PDE6B: variants seen among roughly 807,000 people sequenced by gnomAD.
The protein encoded by PDE6B is rod cGMP-specific 3',5'-cyclic phosphodiesterase subunit beta.
Under a neutral mutation model 109.0 loss-of-function variants are expected in PDE6B, and 106 were observed. That is an observed-to-expected ratio of 0.97 (90% CI 0.83 to 1.14). The LOEUF is 1.14. PDE6B is among the 50% of genes most tolerant of loss of function. PDE6B has a pLI of 0.00. For missense variants in PDE6B, 1,193 were observed against 1,155.6 expected (o/e 1.03, Z -0.47); for synonymous variants, 490 against 471.3 (o/e 1.04, Z -0.51).
chr4:629,184 G>A (rs1386018059), intron 1 of PDE6B, among the ~76,000 whole-genome samples: 1 of 152,242 alleles, frequency 6.6e-6, no homozygotes, highest in Non-Finnish European at 1.5e-5. Context: ...CGGGTGCAGA[G>A]AGGGAGGAGC....
Position 625,776 on chromosome 4 carries a change from C to T in PDE6B, c.150C>T (p.Leu50=). The change falls in exon 1 of 22, where the codon CTC becomes CTT. Residue 50 remains leucine, a synonymous_variant. Transcript: ENST00000496514. This position sits in a 1 kb window ranked among gnomAD's most constrained non-coding sequence, Gnocchi z 5.0. ...CPPDCDSLRD[L]CQVEESTALL... is the part of the protein sequence containing the mutation. ...CGGACTGCGACAGCCTCCGGGACCT[C>T]TGCCAGGTGGAGGAGAGCACGGCGC... 6.2e-7 allele frequency: 1 copy of T among 1,613,506 alleles called. No individual in the cohort carries two copies. Among genetic ancestry groups the T allele is most frequent in the Non-Finnish European group, 8.5e-7 (1 of 1,179,970 alleles).
At chr4:664,368 G>C in intron 17 of PDE6B, 147 bp downstream of exon 17, 1 of 694,060 alleles carries the variant, frequency 1.4e-6, no homozygotes, top group Non-Finnish European at 2.7e-6. Context: ...TGAAACAAAT[G>C]CGCCGTCCTT....
Position 625,998 on chromosome 4 carries a change from GC to G in PDE6B, c.378del (p.Asp127ThrfsTer23), listed in dbSNP as rs755325901. 6.3e-7 allele frequency: 1 copy of G among 1,582,812 alleles called. No individual in the cohort carries two copies. The highest frequency in any genetic ancestry group is 8.6e-7 in the Non-Finnish European group (1 of 1,164,918). Reference sequence around the variant, plus strand: ...ACAGCGTCCTGGAGGACTGCCTGGTGCCCCCCGACTCCGAGATCGTCTTCCC... The same window carrying G: ...ACAGCGTCCTGGAGGACTGCCTGGTGCCCCCGACTCCGAGATCGTCTTCCC... The part of the protein sequence containing the change: ...PDSVLEDCLV[P>X]PDSEIVFPLD... On this transcript the variant is annotated frameshift_variant, in exon 1 of 22. Transcript: ENST00000496514. LOFTEE classifies it high-confidence loss of function. This position sits in a 1 kb window ranked among gnomAD's most constrained non-coding sequence, Gnocchi z 5.0.
chr4:650,329 G>C (rs1735440282), intron 3 of PDE6B, among the ~76,000 whole-genome samples: 2 of 152,266 alleles, frequency 1.3e-5, no homozygotes, highest in African/African-American at 4.8e-5. Flanking sequence ...GAAAGGCTGA[G>C]AGCTCAACAC....
chr4:627,661 G>T (rs1019516190), intron 1 of PDE6B, among the ~76,000 whole-genome samples: 1 of 87,054 alleles, frequency 1.1e-5, no homozygotes, highest in African/African-American at 4.5e-5. Context: ...CCCTCCCCCC[G>T]TTCCCTCCTC....
chr4:664,288 GT>G (rs1369491149), intron 17 of PDE6B, 67 bp downstream of exon 17: 1 of 902,628 alleles, frequency 1.1e-6, no homozygotes, highest in African/African-American at 1.6e-5. Context: ...TCACCAGCTG[GT>G]TAACCCTGCA....
At chr4:641,912 G>A (rs949995014) in intron 3 of PDE6B, among the ~76,000 whole-genome samples, 23 of 152,252 alleles carry the variant, frequency 1.5e-4, no homozygotes, top group African/African-American at 5.3e-4. Context: ...CTCCCAAAGT[G>A]CTGGAATTAC....
chr4:664,312 C>T, intron 17 of PDE6B, 91 bp downstream of exon 17: 2 of 779,968 alleles, frequency 2.6e-6, no homozygotes, highest in South Asian at 1.4e-5. Context: ...CCTCCCCAGA[C>T]GCTCTGGAGC....
At position 663,479 on chromosome 4, in the gene PDE6B, C is replaced by G. The variant is rs949270027; in HGVS notation, c.1921-291C>G. Among the ~76,000 whole-genome samples, 1 of 152,170 alleles carries G rather than the reference C, an allele frequency of 6.6e-6. No homozygotes were observed. Among genetic ancestry groups the G allele is most frequent in the Admixed American group, 6.5e-5 (1 of 15,286 alleles). On this transcript the variant is annotated intron_variant, in intron 15 of 21. Coordinates refer to ENST00000496514, the MANE Select transcript of PDE6B (RefSeq NM_000283.4). The surrounding 1 kb of genome is among the most constrained non-coding windows in gnomAD (Gnocchi z 4.0). ...CACCAGCGGGGGAATGAAGGGCAGC[C>G]GAGCCCTGAGCGGCCCCCAAGGACC...
rs112120206 is a variant in PDE6B, at chr4:636,409, C to T, written c.711+440C>T. Among the ~76,000 whole-genome samples, 115 of 152,150 alleles carry T rather than the reference C, an allele frequency of 7.6e-4. No homozygotes were observed. Among genetic ancestry groups the T allele is most frequent in the African/African-American group, 2.7e-3 (112 of 41,522 alleles). On this transcript the variant is annotated intron_variant, in intron 3 of 21. Coordinates refer to ENST00000496514, the MANE Select transcript of PDE6B (RefSeq NM_000283.4). The surrounding 1 kb of genome is among the most constrained non-coding windows in gnomAD (Gnocchi z 4.5). The stretch of plus-strand genomic sequence containing the variant: ...CCCTGGCTGAGAGAGGGTACGGGGG[C>T]AGGTCTGGCCCTGGCCGAGACGCTG...
Position 665,899 on chromosome 4 carries a change from G to C in PDE6B, c.2268+570G>C, listed in dbSNP as rs571999725. Reference sequence around the variant, plus strand: ...CACCCGCTCTGGTGGGCGGCGAGGGGCTCTCTGGAGCCTGCAGTGGAGAGG... The same window carrying C: ...CACCCGCTCTGGTGGGCGGCGAGGGCCTCTCTGGAGCCTGCAGTGGAGAGG... On this transcript the variant is annotated intron_variant, in intron 19 of 21. Transcript: ENST00000496514. This position sits in a 1 kb window ranked among gnomAD's most constrained non-coding sequence, Gnocchi z 4.0. Among the ~76,000 whole-genome samples, 10 of 152,286 alleles carry C rather than the reference G, an allele frequency of 6.6e-5. No homozygotes were observed. Among genetic ancestry groups the C allele is most frequent in the African/African-American group, 1.2e-4 (5 of 41,572 alleles).
chr4:660,014 C>T (rs1242510103), intron 11 of PDE6B, among the ~76,000 whole-genome samples: 1 of 152,030 alleles, frequency 6.6e-6, no homozygotes, highest in African/African-American at 2.4e-5. Flanking sequence ...TGTGAGCCTA[C>T]ATGCGTGAGT....
At chr4:667,796 A>AT in intron 20 of PDE6B, 60 bp from the exon 21 acceptor site, 1 of 1,561,480 alleles carries the variant, frequency 6.4e-7, no homozygotes, top group South Asian at 1.1e-5. Flanking sequence ...GGGAAGGGCT[A>AT]TCTTACTCTG....
chr4:653,259 G>A (rs1159522163), intron 3 of PDE6B: 4 of 1,010,224 alleles, frequency 4.0e-6, no homozygotes, highest in Non-Finnish European at 4.7e-6. Flanking sequence ...GGGCCTGGTG[G>A]GGCCTGGGTC....
intron 6 of PDE6B, 85 bp downstream of exon 6, chr4:654,973 G>C (rs1736039668): frequency 1.2e-6 from 1 of 863,680 alleles, no homozygotes; most frequent in Admixed American, 1.7e-5. Context: ...CGTCCTCCCA[G>C]GGCTTCCCAC....
Position 663,278 on chromosome 4 carries a change from G to A in PDE6B, c.1920+91G>A. On this transcript the variant is annotated intron_variant, in intron 15 of 21. Transcript: ENST00000496514. The surrounding 1 kb of genome is among the most constrained non-coding windows in gnomAD (Gnocchi z 4.0). ...GCCGTATCCTGCGGAGCAGGGTTCT[G>A]ATGCAGCGGGTGAGCACTGGGTGTG... is the stretch of plus-strand genomic sequence containing the variant. 1 of 808,284 alleles carries A rather than the reference G, an allele frequency of 1.2e-6. No homozygotes were observed. Among genetic ancestry groups the A allele is most frequent in the Non-Finnish European group, 2.2e-6 (1 of 452,266 alleles). The allele number at this position is 808,284 out of a possible 1,614,324, so 50.1% of individuals were successfully genotyped here.
chr4:657,458 C>A lies in PDE6B; in HGVS notation c.1365C>A (p.His455Gln). The A allele has an allele frequency of 6.2e-7, 1 of 1,613,302 alleles. No individual in the cohort carries two copies. The highest frequency in any genetic ancestry group is 1.1e-5 in the South Asian group (1 of 91,088). ...TCGCACAGGACATGGTCCTTTACCA[C>A]GTGAAGTGCGACAGGGACGAGATCC... The part of the protein sequence containing the change: ...KDIAQDMVLY[H>Q]VKCDRDEIQL... Residue 455 changes from histidine (H) to glutamine (Q), a missense_variant, in exon 10 of 22, where the codon CAC becomes CAA. Physicochemically the swap from His to Gln is conservative, Grantham distance 24. Coordinates refer to ENST00000496514, the MANE Select transcript of PDE6B (RefSeq NM_000283.4).
chr4:642,566 G>A (rs570694860), intron 3 of PDE6B, among the ~76,000 whole-genome samples: 2 of 152,104 alleles, frequency 1.3e-5, no homozygotes, highest in Non-Finnish European at 2.9e-5. Flanking sequence ...GGCTAAGGCA[G>A]GCAGATAGCT....
Position 663,813 on chromosome 4 carries a change from A to C in PDE6B, c.1964A>C (p.His655Pro). The C allele has an allele frequency of 6.2e-7, 1 of 1,612,292 alleles. No homozygotes were observed. Among genetic ancestry groups the C allele is most frequent in the Non-Finnish European group, 8.5e-7 (1 of 1,179,350 alleles). The change falls in exon 16 of 22, where the codon CAC (histidine) becomes CCC (proline). Residue 655 changes from histidine to proline, a missense_variant. Coordinates refer to ENST00000496514, the MANE Select transcript of PDE6B (RefSeq NM_000283.4). The surrounding 1 kb of genome is among the most constrained non-coding windows in gnomAD (Gnocchi z 4.0). ...YQNLNRRQHE[H>P]VIHLMDIAII... is the part of the protein sequence containing the mutation. ...AACCTGAACCGGCGGCAGCACGAGC[A>C]CGTGATCCACCTGATGGACATCGCC...
Sources: allele counts gnomAD v4.1 joint callset (sites outside exome capture counted in the v4.1 genomes callset), GRCh38; gene constraint gnomAD v4.1.1; non-coding constraint Gnocchi (gnomAD v3.1); transcripts MANE v1.5; gene names NCBI Gene and HGNC (gene_info 2026-07-23, HGNC 2026-07-21).